Variants in SWAP70 observed in about 807,000 individuals in gnomAD.
The protein encoded by SWAP70 is switching B cell complex subunit SWAP70.
SWAP70 carries 34 observed loss-of-function variants against 80.2 expected under a neutral mutation model. The ratio of observed to expected loss-of-function variants is 0.42; its 90% CI spans 0.32 to 0.56. The LOEUF (loss-of-function observed/expected upper bound fraction) is 0.56. Among genes scored for constraint, SWAP70 ranks in the 20% least tolerant of loss-of-function variants. The pLI, the probability that SWAP70 is intolerant of heterozygous loss-of-function variation, is 0.09. For missense variants in SWAP70, 578 were observed against 690.7 expected, an observed-to-expected ratio of 0.84 and a Z score of 1.83; for synonymous variants, 239 against 238.5, an observed-to-expected ratio of 1.00 and a Z score of -0.02.
intron 9 of SWAP70, 138 bp from the exon 10 acceptor site, chr11:9,747,720 T>C (rs1851529912): frequency 1.3e-6 from 1 of 796,550 alleles, no homozygotes; most frequent in African/African-American, 1.7e-5. Context: ...CTTCTCTGGC[T>C]CCTGCTTTCC....
intron 6 of SWAP70, among the ~76,000 whole-genome samples, chr11:9,730,233 A>G (rs10840296): frequency 0.55 from 83,622 of 151,052 alleles, 23,382 homozygotes; most frequent in Middle Eastern, 0.74. Flanking sequence ...GCTCATGCCT[A>G]TAATCCCAGC....
intron 3 of SWAP70, among the ~76,000 whole-genome samples, chr11:9,717,059 A>C (rs12786236): frequency 0.22 from 34,084 of 152,156 alleles, 4,956 homozygotes; most frequent in Non-Finnish European, 0.32. Context: ...GTAAGTGAGA[A>C]GTTGCCCTTG....
chr11:9,695,236 G>C (rs1377977812), intron 2 of SWAP70, among the ~76,000 whole-genome samples: 1 of 151,898 alleles, frequency 6.6e-6, no homozygotes. Context: ...AGAGCTTGCA[G>C]TGAGTCGAGA....
chr11:9,725,538 T>A (rs1311786049), intron 4 of SWAP70, among the ~76,000 whole-genome samples: 3 of 21,670 alleles, frequency 1.4e-4, no homozygotes, highest in Middle Eastern at 0.025. Flanking sequence ...AAAATATATA[T>A]ATATATATAT....
chr11:9,707,855 C>T lies in SWAP70; in HGVS notation c.241-5611C>T, dbSNP rs906868028. ...ACAGGCGTGAGCCACTGTGCCTGGC[C>T]CTTATTTTCTTTTAAAAAATTTAAA... On this transcript the variant is annotated intron_variant, in intron 2 of 11. Transcript: ENST00000318950. 2.6e-5 allele frequency among the ~76,000 whole-genome samples: 4 copies of T among 151,788 alleles called. No homozygotes were observed. The South Asian group carries it at 8.3e-4, about 32-fold the overall frequency.
intron 2 of SWAP70, among the ~76,000 whole-genome samples, chr11:9,696,531 C>T (rs1045768463): frequency 1.3e-5 from 2 of 152,096 alleles, no homozygotes; most frequent in African/African-American, 4.8e-5. Context: ...TACACATGTA[C>T]ACACACCCTC....
chr11:9,738,688 CAAAAAAAAA>C (rs10533145), intron 8 of SWAP70, among the ~76,000 whole-genome samples: 1 of 98,508 alleles, frequency 1.0e-5, no homozygotes, highest in African/African-American at 4.0e-5. Flanking sequence ...GCAATATCTA[CAAAAAAAAA>C]AAAAAAAAAA....
At chr11:9,723,925 A>G (rs1320676121) in intron 3 of SWAP70, among the ~76,000 whole-genome samples, 1 of 152,126 alleles carries the variant, frequency 6.6e-6, no homozygotes, top group Non-Finnish European at 1.5e-5. Context: ...GGTGTGCGCC[A>G]CATGCCTGGC....
intron 2 of SWAP70, among the ~76,000 whole-genome samples, chr11:9,699,551 T>C (rs1850805132): frequency 6.6e-6 from 1 of 152,118 alleles, no homozygotes; most frequent in African/African-American, 2.4e-5. Flanking sequence ...GCTGTGTGTA[T>C]GTGTGTTTAA....
intron 1 of SWAP70, among the ~76,000 whole-genome samples, chr11:9,681,554 T>C (rs1850568627): frequency 6.6e-6 from 1 of 152,122 alleles, no homozygotes; most frequent in South Asian, 2.1e-4. Context: ...GGTGAGAGGC[T>C]GGAGATTGGG....
intron 2 of SWAP70, among the ~76,000 whole-genome samples, chr11:9,706,657 A>G (rs1850919041): frequency 6.6e-6 from 1 of 152,122 alleles, no homozygotes; most frequent in Non-Finnish European, 1.5e-5. Context: ...ATATATGTAT[A>G]TCTTAATGTA....
At chr11:9,700,569 T>C (rs11042474) in intron 2 of SWAP70, among the ~76,000 whole-genome samples, 15,688 of 152,228 alleles carry the variant, frequency 0.1, 1,581 homozygotes, top group African/African-American at 0.26. Context: ...TGAGGCAGAA[T>C]TGGAATTATC....
chr11:9,712,554 A>G (rs1334064822), intron 2 of SWAP70, among the ~76,000 whole-genome samples: 3 of 152,098 alleles, frequency 2.0e-5, no homozygotes, highest in Admixed American at 1.3e-4. Flanking sequence ...TAATTAAACA[A>G]TGTTAAAAAA....
intron 1 of SWAP70, among the ~76,000 whole-genome samples, chr11:9,688,268 T>C (rs1850656156): frequency 6.6e-6 from 1 of 152,228 alleles, no homozygotes; most frequent in Admixed American, 6.5e-5. Context: ...GTATAAGATA[T>C]GGGCCTTTCA....
At position 9,672,978 on chromosome 11, in the gene SWAP70, CAGA is replaced by C. The variant is rs560555643; in HGVS notation, c.99+8704_99+8706del. 8.5e-5 allele frequency among the ~76,000 whole-genome samples: 13 copies of C among 152,270 alleles called. No homozygotes were observed. The South Asian group carries it at 1.7e-3, about 19-fold the overall frequency. On this transcript the variant is annotated intron_variant, in intron 1 of 11. Coordinates refer to ENST00000318950, the MANE Select transcript of SWAP70 (RefSeq NM_015055.4). ...TCTCACACCACAATAACAATCAACA[CAGA>C]AGATTTCTGGTGACCAAATGTGTGG...
intron 3 of SWAP70, among the ~76,000 whole-genome samples, chr11:9,723,533 T>G (rs402868): frequency 0.33 from 49,460 of 151,468 alleles, 8,235 homozygotes; most frequent in Non-Finnish European, 0.35. Flanking sequence ...GATGTGGGGG[T>G]TGGGGAGCAA....
chr11:9,678,679 C>A (rs956263401), intron 1 of SWAP70, among the ~76,000 whole-genome samples: 3 of 151,148 alleles, frequency 2.0e-5, no homozygotes, highest in South Asian at 4.2e-4. Flanking sequence ...CCCAGAGGTA[C>A]ATAGTAACAA....
At chr11:9,717,179 TAAA>T in intron 3 of SWAP70, among the ~76,000 whole-genome samples, 1 of 152,220 alleles carries the variant, frequency 6.6e-6, no homozygotes, top group Non-Finnish European at 1.5e-5. Flanking sequence ...GTATGTATGT[TAAA>T]AAGGAAATGA....
chr11:9,713,359 A>G (rs1590033147), intron 2 of SWAP70, 107 bp from the exon 3 acceptor site: 2 of 1,146,306 alleles, frequency 1.7e-6, no homozygotes, highest in Non-Finnish European at 2.4e-6. Flanking sequence ...GGTTAATTGG[A>G]TTGATTAAAA....
Sources: allele counts gnomAD v4.1 joint callset (sites outside exome capture counted in the v4.1 genomes callset), GRCh38; gene constraint gnomAD v4.1.1; transcripts MANE v1.5; gene names NCBI Gene and HGNC (gene_info 2026-07-23, HGNC 2026-07-21).